The following ARAP2 variants were observed in gnomAD, a reference collection of about 807,000 sequenced individuals.
ARAP2 encodes the protein ArfGAP with RhoGAP domain, ankyrin repeat and PH domain 2.
A neutral mutation model predicts 194.5 loss-of-function variants in ARAP2; 148 were observed. The ratio of observed to expected loss-of-function variants is 0.76; its 90% CI spans 0.67 to 0.87. The LOEUF is 0.87. Among genes scored for constraint, ARAP2 ranks in the 40% least tolerant of loss-of-function variants. The pLI is 0.00. For synonymous variants in ARAP2, 695 were observed against 683.5 expected (o/e 1.02, Z -0.26); for missense variants, 2,128 against 1,989.7 (o/e 1.07, Z -1.32).
chr4:36,065,608 G>A (rs1349814480), downstream of ARAP2: 3 of 204,952 alleles, frequency 1.5e-5, no homozygotes, highest in Non-Finnish European at 3.1e-5. Flanking sequence ...TGGGTGACAG[G>A]CACTGTTCCT....
intron 5 of ARAP2, among the ~76,000 whole-genome samples, chr4:36,022,923 A>G (rs1717255541): frequency 6.6e-6 from 1 of 152,178 alleles, no homozygotes; most frequent in South Asian, 2.1e-4. Context: ...AGAATAATAT[A>G]TGGAGAAGAA....
intron 22 of ARAP2, among the ~76,000 whole-genome samples, chr4:36,123,486 C>G (rs1723154249): frequency 6.6e-6 from 1 of 151,636 alleles, no homozygotes; most frequent in Non-Finnish European, 1.5e-5. Flanking sequence ...TAAGTGGCTG[C>G]CTTAGTTTCT....
rs1753931829 is a variant in ARAP2 at position 36,243,380 on chromosome 4, T to C, written c.-160+799A>G. 4.0e-5 allele frequency among the ~76,000 whole-genome samples: 4 copies of C among 100,024 alleles called. No individual in the cohort carries two copies. The Admixed American group carries it at 4.5e-4, about 11-fold the overall frequency. 65.6% of individuals were successfully genotyped at this position (100,024 alleles called of 152,430 possible). A position where few individuals can be genotyped will look rare whatever the true frequency, so the allele number is the denominator to read the frequency against. The stretch of plus-strand genomic sequence containing the variant: ...TGAACAGCCTACTTCAAGGACAAGC[T>C]TGCAAAAAAAAAAAAAAAAAAAAAA... On this transcript the variant is annotated intron_variant, in intron 1 of 32. Coordinates refer to ENST00000303965, the MANE Select transcript of ARAP2 (RefSeq NM_015230.4).
At chr4:36,136,241 C>T (rs1255476308) in intron 19 of ARAP2, among the ~76,000 whole-genome samples, 3 of 151,742 alleles carry the variant, frequency 2.0e-5, no homozygotes, top group East Asian at 3.9e-4. Flanking sequence ...ATTCGAATTC[C>T]AAAGAAACAT....
intron 2 of ARAP2, among the ~76,000 whole-genome samples, chr4:36,227,898 G>C (rs186822703): frequency 1.3e-5 from 2 of 152,216 alleles, no homozygotes; most frequent in Admixed American, 1.3e-4. Flanking sequence ...CTCCCAAACT[G>C]TTTAGGTAAT....
intron 20 of ARAP2, among the ~76,000 whole-genome samples, chr4:36,129,735 C>T (rs1478208866): frequency 6.6e-6 from 1 of 151,804 alleles, no homozygotes; most frequent in Admixed American, 6.6e-5. Flanking sequence ...GGGTGAGAAC[C>T]CATCCAACCT....
Position 36,177,824 on chromosome 4 carries a change from C to T in ARAP2, c.1857+3G>A. Reference sequence around the variant, plus strand: ...AATTTGCAATGACTATAACAGAGCTCACCTGTTCGTTTTTGCAAAGCCACA... The same window carrying T: ...AATTTGCAATGACTATAACAGAGCTTACCTGTTCGTTTTTGCAAAGCCACA... On this transcript the variant is annotated splice_donor_region_variant and intron_variant, in intron 9 of 32. Coordinates refer to ENST00000303965, the MANE Select transcript of ARAP2 (RefSeq NM_015230.4). 6.3e-7 allele frequency: 1 copy of T among 1,596,696 alleles called. No homozygotes were observed. Among genetic ancestry groups the T allele is most frequent in the Non-Finnish European group, 8.5e-7 (1 of 1,173,240 alleles).
intron 22 of ARAP2, among the ~76,000 whole-genome samples, chr4:36,124,072 T>G (rs1723309838): frequency 2.0e-5 from 3 of 151,804 alleles, no homozygotes; most frequent in Admixed American, 6.6e-5. Context: ...AGAAAATCAG[T>G]TTTACAATAA....
At chr4:36,010,820 G>A (rs778405437) in intron 9 of ARAP2, among the ~76,000 whole-genome samples, 33 of 152,062 alleles carry the variant, frequency 2.2e-4, no homozygotes, top group Non-Finnish European at 4.0e-4. Flanking sequence ...TTTCCTGGCC[G>A]GCTTTTGTGG....
intron 7 of ARAP2, among the ~76,000 whole-genome samples, chr4:36,192,182 T>G (rs927345474): frequency 2.7e-5 from 4 of 150,414 alleles, no homozygotes; most frequent in South Asian, 2.1e-4. Flanking sequence ...TTTTTTTTTT[T>G]TTTTTTTTTT....
chr4:36,190,755 T>C (rs1055532946), intron 7 of ARAP2, among the ~76,000 whole-genome samples: 4 of 152,152 alleles, frequency 2.6e-5, no homozygotes, highest in African/African-American at 9.7e-5. Context: ...TGGATGGCAA[T>C]GGCTAGGGAG....
Position 36,091,954 on chromosome 4 carries a change from A to G in ARAP2, c.4352T>C (p.Leu1451Pro). The change falls in exon 28 of 33, where the codon CTA (leucine) becomes CCA (proline). Residue 1451 changes from leucine to proline, a missense_variant. Coordinates refer to ENST00000303965, the MANE Select transcript of ARAP2 (RefSeq NM_015230.4). ...LKIKEEPSKI[L>P]SGNKFQDRYF... ...CCGGTCTTGAAACTTATTTCCAGAT[A>G]GTATTTTGGATGGTTCTTCTTTGAT... The G allele has an allele frequency of 1.2e-6, 2 of 1,608,622 alleles. No homozygotes were observed. Among genetic ancestry groups the G allele is most frequent in the South Asian group, 2.2e-5 (2 of 90,536 alleles).
Position 36,067,800 on chromosome 4 carries a change from C to T in ARAP2, c.*107G>A. 1.1e-5 allele frequency: 14 copies of T among 1,314,822 alleles called. No homozygotes were observed. The highest frequency in any genetic ancestry group is 1.5e-5 in the African/African-American group (1 of 67,258). 81.4% of individuals were successfully genotyped at this position (1,314,822 alleles called of 1,614,324 possible). A position where few individuals can be genotyped will look rare whatever the true frequency, so the allele number is the denominator to read the frequency against. On this transcript the variant is annotated 3_prime_UTR_variant, in exon 33 of 33. Transcript: ENST00000303965. ...CCTAAGCATAGACAAATTTGCCTATCAATAGGCAAATTCTTATGAATTATC... is the reference window on the plus strand; with the variant it reads ...CCTAAGCATAGACAAATTTGCCTATTAATAGGCAAATTCTTATGAATTATC...
At chr4:36,073,926 T>C (rs1318616706) in intron 31 of ARAP2, 103 bp from the exon 32 acceptor site, 1 of 1,377,154 alleles carries the variant, frequency 7.3e-7, no homozygotes, top group East Asian at 2.3e-5. Flanking sequence ...CATCAAATGA[T>C]CTGATTTCCA....
intron 6 of ARAP2, among the ~76,000 whole-genome samples, chr4:36,018,060 C>A (rs982468322): frequency 6.6e-6 from 1 of 152,038 alleles, no homozygotes; most frequent in African/African-American, 2.4e-5. Context: ...TATACAATTT[C>A]AAGTTTATAA....
intron 27 of ARAP2, among the ~76,000 whole-genome samples, chr4:36,106,539 G>A (rs1382782040): frequency 6.6e-6 from 1 of 151,870 alleles, no homozygotes; most frequent in Non-Finnish European, 1.5e-5. Context: ...TAAGAGCTCT[G>A]AATTATGACT....
rs1446964515 is a variant in ARAP2, at chr4:36,079,036, C to CGGT, written c.4608+1177_4608+1179dup. Among the ~76,000 whole-genome samples, 5 of 151,614 alleles carry CGGT rather than the reference C, an allele frequency of 3.3e-5. No homozygotes were observed. The East Asian group carries it at 9.7e-4, about 30-fold the overall frequency. ...TAAAAATACAAAAATTAGCTGGGCA[C>CGGT]GGTGGTGCACGCCTGTAATCCCAGA... On this transcript the variant is annotated intron_variant, in intron 31 of 32. Transcript: ENST00000303965.
In ARAP2 at chr4:36,055,571, T is replaced by C. The variant is rs545933365; in HGVS notation, n.321+2399A>G. Among the ~76,000 whole-genome samples, 9 of 152,312 alleles carry C rather than the reference T, an allele frequency of 5.9e-5. 1 individual carries two copies. In the South Asian group the frequency reaches 1.7e-3, roughly 28 times the overall value. On this transcript the variant is annotated intron_variant and non_coding_transcript_variant, in intron 2 of 12. Coordinates refer to the ARAP2 transcript ENST00000503225. ...TTATTTTTATTTTTATTTTTATTTA[T>C]TTATTTTTTTGAGATGGAGTCTCAC...
intron 20 of ARAP2, among the ~76,000 whole-genome samples, chr4:36,132,821 C>T (rs185300007): frequency 1.8e-3 from 272 of 151,912 alleles, no homozygotes; most frequent in Non-Finnish European, 3.2e-3. Flanking sequence ...TATTGTTCCA[C>T]AGTTCATCAC....
Sources: allele counts gnomAD v4.1 joint callset (sites outside exome capture counted in the v4.1 genomes callset), GRCh38; gene constraint gnomAD v4.1.1; transcripts MANE v1.5; gene names NCBI Gene and HGNC (gene_info 2026-07-23, HGNC 2026-07-21).